Variants in KIF18A observed in about 807,000 individuals in gnomAD.
The protein encoded by KIF18A is kinesin-like protein KIF18A.
In KIF18A, 67 loss-of-function variants were observed where a neutral mutation model predicts 103.3. The ratio of observed to expected loss-of-function variants is 0.65; its 90% CI spans 0.53 to 0.79. The LOEUF is 0.79. Ranked by LOEUF, KIF18A falls within the 30% of genes least tolerant of loss-of-function variation. The pLI, the probability that KIF18A is intolerant of heterozygous loss-of-function variation, is 0.00. For synonymous variants in KIF18A, 367 were observed against 355.5 expected (o/e 1.03, Z -0.36); for missense variants, 1,032 against 1,062.5 (o/e 0.97, Z 0.40).
chr11:28,074,426 G>C lies in KIF18A; in HGVS notation c.1425+2581C>G, dbSNP rs752227441. ...AGATATAAATTCGAAGAAATAAATT[G>C]TTTCCTTTCTGCCTTAAAAGAATGC... On this transcript the variant is annotated intron_variant, in intron 10 of 16. Transcript: ENST00000263181. 2.6e-5 allele frequency among the ~76,000 whole-genome samples: 4 copies of C among 152,154 alleles called. No homozygotes were observed. The South Asian group carries it at 6.2e-4, about 24-fold the overall frequency.
At chr11:28,104,536 G>A (rs1851482799) in intron 1 of KIF18A, among the ~76,000 whole-genome samples, 1 of 152,112 alleles carries the variant, frequency 6.6e-6, no homozygotes, top group Admixed American at 6.5e-5. Flanking sequence ...CCACTTTACA[G>A]AGGCTTTCCC....
At chr11:28,068,929 C>T (rs1240398774) in intron 11 of KIF18A, among the ~76,000 whole-genome samples, 1 of 152,128 alleles carries the variant, frequency 6.6e-6, no homozygotes, top group Non-Finnish European at 1.5e-5. Flanking sequence ...CACACACACA[C>T]CCCCTTTCAA....
Position 28,097,650 on chromosome 11 carries a change from T to A in KIF18A, c.298A>T (p.Ser100Cys), listed in dbSNP as rs374290348. Residue 100 changes from serine (S) to cysteine (C), a missense_variant, in exon 2 of 17, where the codon AGT becomes TGT. Coordinates refer to ENST00000263181, the MANE Select transcript of KIF18A (RefSeq NM_031217.4). Reference sequence around the variant, plus strand: ...GTGCAATTATATCCATTCAAAAAACTACGAAGAATTGGCTTAGTAGTGTGT... The same window carrying A: ...GTGCAATTATATCCATTCAAAAAACAACGAAGAATTGGCTTAGTAGTGTGT... ...FEHTTKPILR[S>C]FLNGYNCTVL... 2 of 1,609,598 alleles carry A rather than the reference T, an allele frequency of 1.2e-6. No homozygotes were observed. Among genetic ancestry groups the A allele is most frequent in the African/African-American group, 2.7e-5 (2 of 74,802 alleles).
chr11:28,089,703 T>C (rs573998378), intron 5 of KIF18A, among the ~76,000 whole-genome samples: 45 of 152,352 alleles, frequency 3.0e-4, no homozygotes, highest in African/African-American at 1.0e-3. Context: ...CAGTAAAGTC[T>C]ACTTGTCATT....
intron 11 of KIF18A, 142 bp from the exon 12 acceptor site, chr11:28,062,658 A>C: frequency 1.6e-6 from 1 of 631,374 alleles, no homozygotes; most frequent in Non-Finnish European, 2.3e-6. Context: ...TTGAAAAATA[A>C]GAGTTCTGGA....
chr11:28,052,656 T>C (rs1316882766), intron 13 of KIF18A, among the ~76,000 whole-genome samples: 1 of 152,076 alleles, frequency 6.6e-6, no homozygotes, highest in Non-Finnish European at 1.5e-5. Flanking sequence ...TTATAGCATG[T>C]AGTACCTCCT....
At chr11:28,028,322 A>ATC (rs1850348108) in intron 15 of KIF18A, among the ~76,000 whole-genome samples, 1 of 152,122 alleles carries the variant, frequency 6.6e-6, no homozygotes, top group South Asian at 2.1e-4. Context: ...AATTAGAACA[A>ATC]TCTGTCTCTC....
chr11:28,068,079 T>C (rs1284744283), intron 11 of KIF18A, among the ~76,000 whole-genome samples: 1 of 152,080 alleles, frequency 6.6e-6, no homozygotes, highest in Non-Finnish European at 1.5e-5. Flanking sequence ...TACCATGCAA[T>C]ACTATGCAGC....
intron 6 of KIF18A, among the ~76,000 whole-genome samples, chr11:28,086,080 CA>C (rs1364864302): frequency 1.3e-5 from 2 of 151,974 alleles, no homozygotes; most frequent in Non-Finnish European, 2.9e-5. Context: ...AAAAAATTAA[CA>C]ATAGGGAAAA....
At chr11:28,066,029 T>C (rs1289055204) in intron 11 of KIF18A, among the ~76,000 whole-genome samples, 3 of 151,904 alleles carry the variant, frequency 2.0e-5, no homozygotes, top group Admixed American at 6.6e-5. Context: ...TTGCCAACTA[T>C]AAGGGGTAAA....
At chr11:28,095,419 G>A (rs1263313716) in intron 2 of KIF18A, among the ~76,000 whole-genome samples, 3 of 152,062 alleles carry the variant, frequency 2.0e-5, no homozygotes, top group Non-Finnish European at 2.9e-5. Flanking sequence ...TTCCCTCATT[G>A]TCCTAGGCAG....
intron 10 of KIF18A, chr11:28,076,741 A>G (rs2133546557): frequency 5.6e-6 from 1 of 178,762 alleles, no homozygotes; most frequent in African/African-American, 2.4e-5. Context: ...CAAGACTAGC[A>G]TGGCCAACAT....
intron 3 of KIF18A, 90 bp downstream of exon 3, chr11:28,094,553 C>A: frequency 2.4e-6 from 2 of 824,968 alleles, no homozygotes; most frequent in East Asian, 2.7e-5. Flanking sequence ...TTTATATATT[C>A]ACCGGAAAAC....
At chr11:28,087,960 CTG>C (rs1851251105) in intron 6 of KIF18A, among the ~76,000 whole-genome samples, 1 of 152,062 alleles carries the variant, frequency 6.6e-6, no homozygotes, top group Non-Finnish European at 1.5e-5. Flanking sequence ...GTGAAATACA[CTG>C]TGTTCTAGGT....
chr11:28,025,351 C>A (rs1456187207), intron 15 of KIF18A, among the ~76,000 whole-genome samples: 1 of 151,892 alleles, frequency 6.6e-6, no homozygotes, highest in African/African-American at 2.4e-5. Context: ...GGCAGAAATT[C>A]TTTTTTGATC....
intron 13 of KIF18A, among the ~76,000 whole-genome samples, chr11:28,045,044 G>T (rs973032505): frequency 2.0e-5 from 3 of 152,022 alleles, no homozygotes; most frequent in Non-Finnish European, 4.4e-5. Context: ...ATATTCATCT[G>T]CCATTCACTA....
intron 1 of KIF18A, among the ~76,000 whole-genome samples, chr11:28,103,005 C>G (rs760268949): frequency 6.6e-6 from 1 of 152,094 alleles, no homozygotes; most frequent in Non-Finnish European, 1.5e-5. Context: ...TGTGGATTCA[C>G]AAATTCTTTT....
In KIF18A at chr11:28,035,399, C is replaced by A; in HGVS notation, c.2492G>T (p.Arg831Leu). ...MAMTTAAKRK[R>L]KLTSSTSNSS... ...TGTTTAATCATACCTTGTTAATTTC[C>A]GTTTCCTTTTGGCAGCAGTAGTCAT... Residue 831 changes from arginine (R) to leucine (L), a missense_variant, in exon 15 of 17, where the codon CGG (arginine) becomes CTG (leucine). Transcript: ENST00000263181. The A allele has an allele frequency of 6.3e-7, 1 of 1,590,526 alleles. No individual in the cohort carries two copies. The highest frequency in any genetic ancestry group is 8.6e-7 in the Non-Finnish European group (1 of 1,164,582).
intron 11 of KIF18A, among the ~76,000 whole-genome samples, chr11:28,065,920 C>T (rs1387547927): frequency 6.6e-6 from 1 of 151,862 alleles, no homozygotes; most frequent in African/African-American, 2.4e-5. Context: ...ATACTTAATG[C>T]CACTGAACTG....
Sources: allele counts gnomAD v4.1 joint callset (sites outside exome capture counted in the v4.1 genomes callset), GRCh38; gene constraint gnomAD v4.1.1; transcripts MANE v1.5; gene names NCBI Gene and HGNC (gene_info 2026-07-23, HGNC 2026-07-21).